Variants in ARAP2 observed in about 807,000 individuals in gnomAD.
The protein encoded by ARAP2 is ArfGAP with RhoGAP domain, ankyrin repeat and PH domain 2, also known as arf-GAP with Rho-GAP domain, ANK repeat and PH domain-containing protein 2.
A neutral mutation model predicts 194.5 loss-of-function variants in ARAP2; 148 were observed. The ratio of observed to expected loss-of-function variants is 0.76; its 90% confidence interval spans 0.67 to 0.87. ARAP2 has a LOEUF of 0.87. ARAP2 is among the 40% of genes least tolerant of loss of function. ARAP2 has a pLI of 0.00. For synonymous variants in ARAP2, 695 were observed against 683.5 expected (o/e 1.02, Z -0.26); for missense variants, 2,128 against 1,989.7 (o/e 1.07, Z -1.32).
chr4:36,019,935 A>G (rs568073139), intron 5 of ARAP2, among the ~76,000 whole-genome samples: 1 of 152,184 alleles, frequency 6.6e-6, no homozygotes, highest in African/African-American at 2.4e-5. Context: ...ATAGTGCTGA[A>G]CCCTATATAT....
intron 8 of ARAP2, among the ~76,000 whole-genome samples, chr4:36,184,478 A>G (rs1158566211): frequency 6.6e-6 from 1 of 152,208 alleles, no homozygotes; most frequent in Non-Finnish European, 1.5e-5. Flanking sequence ...AAAAATTTAT[A>G]CTGAAGTTAA....
At chr4:36,175,651 GTA>G (rs905154575) in intron 9 of ARAP2, among the ~76,000 whole-genome samples, 10 of 152,002 alleles carry the variant, frequency 6.6e-5, no homozygotes, top group Non-Finnish European at 1.3e-4. Flanking sequence ...GTGTGTGTGT[GTA>G]TATATATGTA....
At chr4:36,192,343 T>C (rs1427279266) in intron 7 of ARAP2, among the ~76,000 whole-genome samples, 1 of 152,210 alleles carries the variant, frequency 6.6e-6, no homozygotes, top group Admixed American at 6.5e-5. Flanking sequence ...ATCATTTTCA[T>C]TGCATCAATA....
chr4:36,191,795 G>A (rs1431483024), intron 7 of ARAP2, among the ~76,000 whole-genome samples: 1 of 151,996 alleles, frequency 6.6e-6, no homozygotes, highest in Non-Finnish European at 1.5e-5. Context: ...GGGCAATTCT[G>A]CCCACAGCTG....
Position 36,147,577 on chromosome 4 carries a change from C to T in ARAP2, c.3170G>A (p.Arg1057Lys), listed in dbSNP as rs780016092. 3 of 1,613,278 alleles carry T rather than the reference C, an allele frequency of 1.9e-6. No individual in the cohort carries two copies. In the Admixed American group the frequency reaches 5.0e-5, roughly 27 times the overall value. The change falls in exon 18 of 33, where the codon AGA becomes AAA. Residue 1057 changes from arginine to lysine, a missense_variant. By Grantham distance (26) the Arg-to-Lys change is conservative. Transcript: ENST00000303965. ...CTCTTGCAGTCTTCTTAAGTGCATT[C>T]TATCTCCCTGAACTTCTTGCATTTG... Reference protein sequence around the residue: ...CLQMQEVQGDRMHLRRLQELT... With the variant: ...CLQMQEVQGDKMHLRRLQELT...
At chr4:36,083,249 A>C in intron 29 of ARAP2, 119 bp downstream of exon 29, 1 of 758,460 alleles carries the variant, frequency 1.3e-6, no homozygotes. Flanking sequence ...CAACTTAAAA[A>C]AAATAGCCTA....
At chr4:36,009,227 CAA>C (rs1357729853) in intron 9 of ARAP2, among the ~76,000 whole-genome samples, 10 of 151,938 alleles carry the variant, frequency 6.6e-5, no homozygotes. Context: ...ATTGTTCTAC[CAA>C]AAAGAACAAT....
intron 5 of ARAP2, among the ~76,000 whole-genome samples, chr4:36,020,813 A>G (rs1454644469): frequency 6.6e-6 from 1 of 152,224 alleles, no homozygotes; most frequent in African/African-American, 2.4e-5. Context: ...TAAGGCATGA[A>G]GATCAATAAG....
rs1738329182 is a variant in ARAP2, at chr4:36,177,852, C to T, written c.1832G>A (p.Ser611Asn). The change falls in exon 9 of 33, where the codon AGT (serine) becomes AAT (asparagine). Residue 611 changes from serine (S) to asparagine (N), a missense_variant. Physicochemically the swap from Ser to Asn is conservative, Grantham distance 46. Transcript: ENST00000303965. Reference sequence around the variant, plus strand: ...CTGTTCGTTTTTGCAAAGCCACACACTGTTTCCACTTAACACAGTAAAAAT... The same window carrying T: ...CTGTTCGTTTTTGCAAAGCCACACATTGTTTCCACTTAACACAGTAAAAAT... ...AKIFTVLSGN[S>N]VWLCKNEQDF... 6.2e-7 allele frequency: 1 copy of T among 1,610,644 alleles called. No homozygotes were observed. Among genetic ancestry groups the T allele is most frequent in the Non-Finnish European group, 8.5e-7 (1 of 1,178,708 alleles).
At chr4:36,119,615 T>C (rs766575319) in intron 24 of ARAP2, 35 bp downstream of exon 24, 1 of 1,463,498 alleles carries the variant, frequency 6.8e-7, no homozygotes, top group South Asian at 1.2e-5. Context: ...TTTTGTTTTG[T>C]TTAATTATTT....
chr4:36,100,538 T>C (rs1055253875), intron 27 of ARAP2, among the ~76,000 whole-genome samples: 5 of 151,996 alleles, frequency 3.3e-5, no homozygotes, highest in African/African-American at 1.2e-4. Flanking sequence ...CAGGATAACA[T>C]CTAAAAAGTC....
At chr4:36,171,085 C>T (rs1370383967) in intron 9 of ARAP2, among the ~76,000 whole-genome samples, 1 of 152,160 alleles carries the variant, frequency 6.6e-6, no homozygotes, top group Non-Finnish European at 1.5e-5. Context: ...TCAGGTATTC[C>T]TCTCTCGCTT....
At chr4:36,078,651 C>G (rs115161599) in intron 31 of ARAP2, among the ~76,000 whole-genome samples, 15 of 152,054 alleles carry the variant, frequency 9.9e-5, no homozygotes, top group African/African-American at 3.1e-4. Context: ...ATCTTTGAGA[C>G]GAGGACTAGG....
At chr4:36,166,146 T>C (rs555527063) in intron 10 of ARAP2, among the ~76,000 whole-genome samples, 2 of 152,154 alleles carry the variant, frequency 1.3e-5, no homozygotes, top group Non-Finnish European at 2.9e-5. Context: ...TATTTTGACA[T>C]GCAAAATGAG....
intron 5 of ARAP2, among the ~76,000 whole-genome samples, chr4:36,030,332 G>A (rs1228069224): frequency 6.6e-6 from 1 of 151,828 alleles, no homozygotes; most frequent in Non-Finnish European, 1.5e-5. Flanking sequence ...TATTTTATTG[G>A]TGTCCTAGGG....
At chr4:36,098,897 A>C (rs1198809496) in intron 27 of ARAP2, among the ~76,000 whole-genome samples, 1 of 152,006 alleles carries the variant, frequency 6.6e-6, no homozygotes, top group Non-Finnish European at 1.5e-5. Context: ...TTTATTTATC[A>C]ACATTTAAGT....
At chr4:36,221,840 G>A (rs1749240022) in intron 2 of ARAP2, among the ~76,000 whole-genome samples, 1 of 151,980 alleles carries the variant, frequency 6.6e-6, no homozygotes, top group Admixed American at 6.6e-5. Context: ...TATGCCCAAA[G>A]CAAAAAGCAA....
intron 6 of ARAP2, among the ~76,000 whole-genome samples, chr4:36,209,648 A>T (rs934338938): frequency 1.3e-5 from 2 of 152,194 alleles, no homozygotes; most frequent in Non-Finnish European, 2.9e-5. Context: ...GACTCACCAC[A>T]TTAGCTACTG....
At chr4:36,049,685 A>G (rs1240604874) in intron 3 of ARAP2, among the ~76,000 whole-genome samples, 1 of 152,212 alleles carries the variant, frequency 6.6e-6, no homozygotes, top group Non-Finnish European at 1.5e-5. Flanking sequence ...AGTGAAGCCA[A>G]TGCATAACCT....
Sources: allele counts gnomAD v4.1 joint callset (sites outside exome capture counted in the v4.1 genomes callset), GRCh38; gene constraint gnomAD v4.1.1; transcripts MANE v1.5; gene names NCBI Gene and HGNC (gene_info 2026-07-23, HGNC 2026-07-21).